The following SGCZ variants were observed in gnomAD, a reference collection of about 807,000 sequenced individuals.
SGCZ encodes zeta-sarcoglycan.
SGCZ carries 40 observed loss-of-function variants against 41.3 expected under a neutral mutation model. That is an observed-to-expected ratio of 0.97 (90% CI 0.75 to 1.26). The LOEUF is 1.26. Among genes scored for constraint, SGCZ ranks in the 50% most tolerant of loss-of-function variants. The pLI, the probability that SGCZ is intolerant of heterozygous loss-of-function variation, is 0.00. For missense variants in SGCZ, 552 were observed against 369.8 expected, an observed-to-expected ratio of 1.49 and a Z score of -4.04; for synonymous variants, 206 against 137.5, an observed-to-expected ratio of 1.50 and a Z score of -3.49.
At chr8:14,698,631 G>A (rs1809039461) in intron 1 of SGCZ, among the ~76,000 whole-genome samples, 1 of 151,732 alleles carries the variant, frequency 6.6e-6, no homozygotes, top group Non-Finnish European at 1.5e-5. Flanking sequence ...CATATGTGTG[G>A]GGGGGTATAA....
intron 1 of SGCZ, among the ~76,000 whole-genome samples, chr8:14,850,206 A>G (rs1380623941): frequency 2.0e-5 from 3 of 152,210 alleles, no homozygotes; most frequent in Non-Finnish European, 2.9e-5. Context: ...ATATTAGTGT[A>G]AGTTTTTCAT....
intron 3 of SGCZ, among the ~76,000 whole-genome samples, chr8:14,252,812 G>T (rs1324249825): frequency 6.6e-6 from 1 of 152,120 alleles, no homozygotes; most frequent in Non-Finnish European, 1.5e-5. Context: ...GTCTCTAAGG[G>T]AAATTCTGAT....
At chr8:15,029,992 T>C (rs541678082) in intron 1 of SGCZ, among the ~76,000 whole-genome samples, 6 of 152,190 alleles carry the variant, frequency 3.9e-5, no homozygotes, top group South Asian at 2.1e-4. Context: ...CAAGTACCTA[T>C]TCTGTGCCAA....
chr8:14,484,914 A>G (rs1801632462), intron 2 of SGCZ, among the ~76,000 whole-genome samples: 2 of 152,212 alleles, frequency 1.3e-5, no homozygotes, highest in Non-Finnish European at 2.9e-5. Flanking sequence ...AAATTATTAT[A>G]TATAAGTATT....
chr8:14,985,732 C>G (rs59059538), intron 1 of SGCZ, among the ~76,000 whole-genome samples: 2,435 of 152,274 alleles, frequency 0.016, 68 homozygotes, highest in African/African-American at 0.056. Flanking sequence ...ACAACACAGG[C>G]TATATCTGCA....
chr8:14,478,483 A>C (rs1801426621), intron 2 of SGCZ, among the ~76,000 whole-genome samples: 1 of 152,172 alleles, frequency 6.6e-6, no homozygotes, highest in African/African-American at 2.4e-5. Flanking sequence ...AGAAAGGCCA[A>C]ACTATGGCAG....
intron 1 of SGCZ, among the ~76,000 whole-genome samples, chr8:14,716,658 G>A (rs1809700026): frequency 6.6e-6 from 1 of 152,020 alleles, no homozygotes; most frequent in Non-Finnish European, 1.5e-5. Context: ...GTTTCTTGCT[G>A]CACACATTTT....
At chr8:14,640,718 T>A (rs940935994) in intron 1 of SGCZ, among the ~76,000 whole-genome samples, 5 of 151,424 alleles carry the variant, frequency 3.3e-5, no homozygotes, top group Non-Finnish European at 7.4e-5. Context: ...CTTGAAGAAT[T>A]TCCTAAAGCT....
chr8:14,639,298 T>C (rs1806941648), intron 1 of SGCZ, among the ~76,000 whole-genome samples: 1 of 151,662 alleles, frequency 6.6e-6, no homozygotes, highest in Non-Finnish European at 1.5e-5. Context: ...ACCACTAATA[T>C]ATTATTCCTG....
intron 2 of SGCZ, among the ~76,000 whole-genome samples, chr8:14,493,985 G>A (rs920191626): frequency 1.3e-5 from 2 of 152,066 alleles, no homozygotes; most frequent in African/African-American, 4.8e-5. Flanking sequence ...AAAATATGCA[G>A]CAGTAATCTG....
chr8:15,183,818 T>C (rs1171671482), intron 1 of SGCZ, among the ~76,000 whole-genome samples: 1 of 152,216 alleles, frequency 6.6e-6, no homozygotes, highest in Non-Finnish European at 1.5e-5. Flanking sequence ...TTACAACTTA[T>C]GATCTGTTCT....
At chr8:14,801,644 T>C (rs1322713509) in intron 1 of SGCZ, among the ~76,000 whole-genome samples, 1 of 152,046 alleles carries the variant, frequency 6.6e-6, no homozygotes, top group Non-Finnish European at 1.5e-5. Context: ...GTGAGGAAAT[T>C]ATTATAGACT....
chr8:14,802,033 A>G (rs1229600715), intron 1 of SGCZ, among the ~76,000 whole-genome samples: 2 of 152,182 alleles, frequency 1.3e-5, no homozygotes, highest in East Asian at 1.9e-4. Flanking sequence ...GAAAGAGAGT[A>G]ATGTTGGAAG....
chr8:15,156,944 CAAAA>C (rs1204736250), intron 1 of SGCZ, among the ~76,000 whole-genome samples: 1 of 89,896 alleles, frequency 1.1e-5, no homozygotes. Flanking sequence ...AACTCTGTCT[CAAAA>C]AAAAAAAAAA....
intron 1 of SGCZ, among the ~76,000 whole-genome samples, chr8:15,219,839 T>C (rs1452152425): frequency 6.6e-6 from 1 of 152,216 alleles, no homozygotes; most frequent in Non-Finnish European, 1.5e-5. Context: ...AAAGGTGAAT[T>C]AGTTCAACAA....
At chr8:14,927,977 G>A (rs979006043) in intron 1 of SGCZ, among the ~76,000 whole-genome samples, 4 of 152,130 alleles carry the variant, frequency 2.6e-5, no homozygotes, top group Admixed American at 1.3e-4. Context: ...TTCAGTCAAA[G>A]TCATCTCCTT....
chr8:14,382,477 G>A (rs562111320), intron 2 of SGCZ, among the ~76,000 whole-genome samples: 13 of 151,960 alleles, frequency 8.6e-5, no homozygotes, highest in Non-Finnish European at 1.6e-4. Flanking sequence ...CAGAGCAGGT[G>A]CAAGCTAAAT....
At chr8:14,747,428 C>T (rs1490638061) in intron 1 of SGCZ, among the ~76,000 whole-genome samples, 2 of 152,064 alleles carry the variant, frequency 1.3e-5, no homozygotes, top group East Asian at 1.9e-4. Flanking sequence ...AAACCAACGT[C>T]CAGAGAGAAG....
At chr8:14,427,210 T>A (rs4375000) in intron 2 of SGCZ, among the ~76,000 whole-genome samples, 137,023 of 152,138 alleles carry the variant, frequency 0.9, 62,008 homozygotes, top group Non-Finnish European at 0.94. Context: ...GATAAAGAGG[T>A]TCAGGAAAAA....
Sources: gnomAD v4.1 joint callset for allele counts (sites outside exome capture counted in the v4.1 genomes callset) on GRCh38, gnomAD v4.1.1 for gene constraint, MANE v1.5 for transcripts, NCBI Gene and HGNC (gene_info 2026-07-23, HGNC 2026-07-21) for gene names.